The following CTNND2 variants were observed in gnomAD, a reference collection of about 807,000 sequenced individuals.
CTNND2 encodes catenin delta 2.
CTNND2 carries 22 observed loss-of-function variants against 144.4 expected under a neutral mutation model. The ratio of observed to expected loss-of-function variants is 0.15; its 90% CI spans 0.11 to 0.22. The LOEUF is 0.22. Ranked by LOEUF, CTNND2 falls within the 10% of genes least tolerant of loss-of-function variation. The probability of loss-of-function intolerance (pLI) is 1.00; values close to 1 mark genes in which losing one functional copy is unlikely to be tolerated. For missense variants in CTNND2, 1,353 were observed against 1,618.8 expected, an observed-to-expected ratio of 0.84 and a Z score of 2.82; for synonymous variants, 751 against 695.6, an observed-to-expected ratio of 1.08 and a Z score of -1.25.
chr5:11,366,815 A>G (rs1437547118), intron 7 of CTNND2, among the ~76,000 whole-genome samples: 1 of 152,192 alleles, frequency 6.6e-6, no homozygotes, highest in Non-Finnish European at 1.5e-5. Flanking sequence ...ATGACCAATG[A>G]GAGGATCTGC....
At chr5:11,173,468 G>A (rs1341752809) in intron 11 of CTNND2, among the ~76,000 whole-genome samples, 1 of 152,220 alleles carries the variant, frequency 6.6e-6, no homozygotes, top group Non-Finnish European at 1.5e-5. Context: ...TCCCAGCTGA[G>A]TGTTCTTTTC....
Position 10,973,845 on chromosome 5 carries a change from T to C in CTNND2, c.3418-132A>G, listed in dbSNP as rs1736108455. On this transcript the variant is annotated intron_variant, in intron 21 of 21. Coordinates refer to ENST00000304623, the MANE Select transcript of CTNND2 (RefSeq NM_001332.4). The surrounding 1 kb of genome is among the most constrained non-coding windows in gnomAD (Gnocchi z 5.6). ...AGGCATTCACCACTGTGGCCCTGCT[T>C]CTCCAAAACTGCCAACTGTCATTGG... 1.0e-6 allele frequency: 1 copy of C among 989,936 alleles called. No homozygotes were observed. The highest frequency in any genetic ancestry group is 1.6e-5 in the African/African-American group (1 of 61,182). The allele number at this position is 989,936 out of a possible 1,614,324, so 61.3% of individuals were successfully genotyped here. A position where few individuals can be genotyped will look rare whatever the true frequency, so the allele number is the denominator to read the frequency against.
At chr5:11,074,006 G>GT in intron 16 of CTNND2, among the ~76,000 whole-genome samples, 1 of 152,314 alleles carries the variant, frequency 6.6e-6, no homozygotes, top group East Asian at 1.9e-4. Context: ...TCAGATCAAC[G>GT]TAATAAAGTG....
chr5:11,239,843 G>A (rs556929213), intron 9 of CTNND2, among the ~76,000 whole-genome samples: 1 of 152,312 alleles, frequency 6.6e-6, no homozygotes. Context: ...CCCAGTGGAG[G>A]ATGACACCGT....
intron 2 of CTNND2, among the ~76,000 whole-genome samples, chr5:11,593,286 G>A (rs1369126084): frequency 6.6e-6 from 1 of 152,150 alleles, no homozygotes; most frequent in Admixed American, 6.5e-5. Context: ...GTACACTAAT[G>A]GGAGAAGATA....
chr5:11,572,710 C>T (rs1777660480), intron 2 of CTNND2, among the ~76,000 whole-genome samples: 1 of 152,136 alleles, frequency 6.6e-6, no homozygotes, highest in African/African-American at 2.4e-5. Context: ...AGTCCCCATG[C>T]TTCATTCACT....
intron 13 of CTNND2, among the ~76,000 whole-genome samples, chr5:11,113,438 G>A (rs930822318): frequency 1.3e-5 from 2 of 152,100 alleles, no homozygotes; most frequent in Non-Finnish European, 2.9e-5. Context: ...AGAATTACAT[G>A]GCTGTGACTG....
At chr5:11,751,936 G>A (rs376627138) in intron 1 of CTNND2, among the ~76,000 whole-genome samples, 2 of 151,982 alleles carry the variant, frequency 1.3e-5, no homozygotes, top group African/African-American at 2.4e-5. Flanking sequence ...TCTCTCTGTG[G>A]TTTTGATTTG....
At chr5:11,653,510 C>A (rs1157952896) in intron 2 of CTNND2, among the ~76,000 whole-genome samples, 1 of 151,940 alleles carries the variant, frequency 6.6e-6, no homozygotes, top group African/African-American at 2.4e-5. Context: ...TTTTTATATA[C>A]CTGTTGGTCA....
intron 3 of CTNND2, among the ~76,000 whole-genome samples, chr5:11,439,917 C>T (rs1432722270): frequency 1.3e-5 from 2 of 151,904 alleles, no homozygotes; most frequent in East Asian, 1.9e-4. Flanking sequence ...GTGATCCTCC[C>T]TCCCTGGTCT....
intron 1 of CTNND2, among the ~76,000 whole-genome samples, chr5:11,794,209 G>A (rs1581895363): frequency 6.6e-6 from 1 of 152,324 alleles, no homozygotes; most frequent in East Asian, 1.9e-4. Context: ...CTGGAAGAGG[G>A]ATGAGTAAAT....
intron 1 of CTNND2, among the ~76,000 whole-genome samples, chr5:11,866,146 T>C (rs1795758380): frequency 6.6e-6 from 1 of 152,034 alleles, no homozygotes; most frequent in African/African-American, 2.4e-5. Context: ...CTACAAAAAA[T>C]TTAAAAGTTA....
In CTNND2 at chr5:11,879,341, G is replaced by GTATATATATATATATATATA. The variant is rs1411823676; in HGVS notation, c.37+24475_37+24476insTATATATATATATATATATA. 6.4e-5 allele frequency among the ~76,000 whole-genome samples: 7 copies of GTATATATATATATATATATA among 109,386 alleles called. No individual in the cohort carries two copies. The South Asian group carries it at 9.8e-4, about 15-fold the overall frequency. 71.8% of individuals were successfully genotyped at this position (109,386 alleles called of 152,430 possible). ...AAGTGTATTAAAAAATTAAATGTGT[G>GTATATATATATATATATATA]TATATATATATATATACATATACAC... is the stretch of plus-strand genomic sequence containing the variant. On this transcript the variant is annotated intron_variant, in intron 1 of 21. Transcript: ENST00000304623.
At chr5:11,511,214 C>T (rs999135266) in intron 3 of CTNND2, among the ~76,000 whole-genome samples, 1 of 152,206 alleles carries the variant, frequency 6.6e-6, no homozygotes, top group African/African-American at 2.4e-5. Context: ...AAGGTCATTT[C>T]ACTTTCTTAA....
chr5:11,159,569 G>T lies in CTNND2; in HGVS notation c.2159+7C>A. On this transcript the variant is annotated splice_region_variant and intron_variant, in intron 12 of 21. Transcript: ENST00000304623. ...GTGGGAGGAGGCACTCGTGACACAG[G>T]ACTGACCTTAGGCACCCGGTGGCGT... 6.2e-7 allele frequency: 1 copy of T among 1,604,408 alleles called. No homozygotes were observed. Among genetic ancestry groups the T allele is most frequent in the South Asian group, 1.1e-5 (1 of 88,672 alleles).
chr5:11,004,438 T>C (rs1740266544), intron 18 of CTNND2, among the ~76,000 whole-genome samples: 1 of 152,220 alleles, frequency 6.6e-6, no homozygotes, highest in Non-Finnish European at 1.5e-5. Flanking sequence ...GGGTCTCAAC[T>C]TCAAGTTCTC....
intron 6 of CTNND2, among the ~76,000 whole-genome samples, chr5:11,393,211 T>A (rs1759785519): frequency 6.6e-6 from 1 of 152,212 alleles, no homozygotes; most frequent in African/African-American, 2.4e-5. Context: ...AAAAGTGTAT[T>A]GCTTTTCTAG....
intron 1 of CTNND2, among the ~76,000 whole-genome samples, chr5:11,807,241 C>G (rs530757168): frequency 4.6e-5 from 7 of 152,138 alleles, no homozygotes; most frequent in Middle Eastern, 6.8e-3. Flanking sequence ...GTGTTTTTCC[C>G]CTTGGTTACT....
Position 11,089,151 on chromosome 5 carries a change from A to G in CTNND2, c.2638-6305T>C, listed in dbSNP as rs550520113. On this transcript the variant is annotated intron_variant, in intron 15 of 21. Transcript: ENST00000304623. ...TGGGTGAATTAATTCGTGGAGGGGA[A>G]CTTCTGCCTTAACCTGCTCTTAACT... 2.0e-5 allele frequency among the ~76,000 whole-genome samples: 3 copies of G among 152,300 alleles called. No individual in the cohort carries two copies. In the South Asian group the frequency reaches 6.2e-4, roughly 32 times the overall value.
Sources: gnomAD v4.1 joint callset for allele counts (sites outside exome capture counted in the v4.1 genomes callset) on GRCh38, gnomAD v4.1.1 for gene constraint, Gnocchi (gnomAD v3.1) non-coding constraint, MANE v1.5 for transcripts, NCBI Gene and HGNC (gene_info 2026-07-23, HGNC 2026-07-21) for gene names.